ACVR1: variants seen among roughly 807,000 people sequenced by gnomAD.
The protein encoded by ACVR1 is activin receptor type-1.
A neutral mutation model predicts 57.1 loss-of-function variants in ACVR1; 38 were observed. The ratio of observed to expected loss-of-function variants is 0.67; its 90% CI spans 0.51 to 0.87. The LOEUF (loss-of-function observed/expected upper bound fraction) is 0.87, where lower values mean the gene tolerates loss of function less well. Among genes scored for constraint, ACVR1 ranks in the 40% least tolerant of loss-of-function variants. The probability of loss-of-function intolerance (pLI) is 0.00; values close to 1 mark genes in which losing one functional copy is unlikely to be tolerated. For missense variants in ACVR1, 463 were observed against 638.2 expected, an observed-to-expected ratio of 0.73 and a Z score of 2.96; for synonymous variants, 212 against 228.1, an observed-to-expected ratio of 0.93 and a Z score of 0.63.
intron 6 of ACVR1, 62 bp downstream of exon 6, chr2:157,774,026 T>C (rs1686175019): frequency 5.5e-6 from 8 of 1,460,434 alleles, no homozygotes; most frequent in East Asian, 4.6e-5. Context: ...GTTCCATCTT[T>C]TACTTCAAAA....
chr2:157,855,306 G>A (rs374734853), intron 1 of ACVR1, among the ~76,000 whole-genome samples: 12,547 of 52,336 alleles, frequency 0.24, 1,351 homozygotes, highest in East Asian at 0.48. Context: ...GTGTGTGTGT[G>A]TGTATATATA....
At chr2:157,844,082 C>A (rs1689056137) in intron 1 of ACVR1, among the ~76,000 whole-genome samples, 1 of 152,174 alleles carries the variant, frequency 6.6e-6, no homozygotes, top group South Asian at 2.1e-4. Context: ...GCAAAGGAGG[C>A]CCTGTCATGC....
At chr2:157,804,987 C>T (rs1320133724) in intron 2 of ACVR1, among the ~76,000 whole-genome samples, 1 of 152,150 alleles carries the variant, frequency 6.6e-6, no homozygotes, top group African/African-American at 2.4e-5. Flanking sequence ...TAGATAAAGC[C>T]ACAGATACCC....
chr2:157,872,241 T>A (rs1273097708), intron 1 of ACVR1, among the ~76,000 whole-genome samples: 1 of 152,206 alleles, frequency 6.6e-6, no homozygotes, highest in Non-Finnish European at 1.5e-5. Flanking sequence ...CGGATTCCAA[T>A]TAAAATTTCT....
chr2:157,767,094 C>T (rs552226287), intron 7 of ACVR1, among the ~76,000 whole-genome samples: 3 of 152,050 alleles, frequency 2.0e-5, no homozygotes, highest in East Asian at 1.9e-4. Flanking sequence ...TGCAATGGCG[C>T]GATCTCGGTT....
intron 3 of ACVR1, among the ~76,000 whole-genome samples, chr2:157,796,518 C>T (rs1687130877): frequency 1.3e-5 from 2 of 152,130 alleles, no homozygotes; most frequent in East Asian, 3.9e-4. Flanking sequence ...CACACCATTG[C>T]ACCCCAACCT....
At chr2:157,810,625 T>G (rs892494786) in intron 2 of ACVR1, among the ~76,000 whole-genome samples, 1 of 152,206 alleles carries the variant, frequency 6.6e-6, no homozygotes, top group East Asian at 1.9e-4. Flanking sequence ...GTGGGGGGCC[T>G]AAGCACATGT....
At position 157,770,535 on chromosome 2, in the gene ACVR1, G is replaced by A. The variant is rs373016269; in HGVS notation, c.644-21C>T. ...TTTCCCTATGAAAAGCAAAACATAG[G>A]TGACACAGAACAGTAGTCATTTTGG... On this transcript the variant is annotated intron_variant, in intron 6 of 10. Coordinates refer to ENST00000434821, the MANE Select transcript of ACVR1 (RefSeq NM_001111067.4). 3.7e-6 allele frequency: 6 copies of A among 1,613,742 alleles called. No individual in the cohort carries two copies. The African/African-American group carries it at 6.7e-5, about 18-fold the overall frequency.
chr2:157,863,425 A>T (rs1327755424), intron 1 of ACVR1, among the ~76,000 whole-genome samples: 2 of 114,018 alleles, frequency 1.8e-5, no homozygotes, highest in African/African-American at 6.7e-5. Context: ...GGCAGGGCTC[A>T]GTGGCTCACG....
At position 157,737,452 on chromosome 2, in the gene ACVR1, C is replaced by T. The variant is rs1684576696; in HGVS notation, c.*79G>A. On this transcript the variant is annotated 3_prime_UTR_variant, in exon 11 of 11. Transcript: ENST00000434821. ...GGGAGACAGATGGATTCCATTCTGA[C>T]AACCAGTCAGGCCAGCATTAGGTCC... 6.4e-7 allele frequency: 1 copy of T among 1,560,212 alleles called. No homozygotes were observed. The highest frequency in any genetic ancestry group is 8.8e-7 in the Non-Finnish European group (1 of 1,142,406).
intron 7 of ACVR1, among the ~76,000 whole-genome samples, chr2:157,767,274 T>C (rs1334546006): frequency 1.3e-5 from 2 of 152,128 alleles, no homozygotes; most frequent in Non-Finnish European, 1.5e-5. Flanking sequence ...CTTCAGGTGA[T>C]CCACCTGCCT....
rs1685239718 is a variant in ACVR1 at position 157,752,406 on chromosome 2, A to C, written c.1264+8474T>G. Among the ~76,000 whole-genome samples, 4 of 152,222 alleles carry C rather than the reference A, an allele frequency of 2.6e-5. No homozygotes were observed. The South Asian group carries it at 8.3e-4, about 32-fold the overall frequency. The stretch of plus-strand genomic sequence containing the variant: ...TAATATGACAAAACAAGGTTCTTTA[A>C]CAACCTCCAAAAATCACACTAGCTC... On this transcript the variant is annotated intron_variant, in intron 9 of 10. Transcript: ENST00000434821.
chr2:157,791,788 A>G (rs1157742564), intron 3 of ACVR1, among the ~76,000 whole-genome samples: 1 of 152,224 alleles, frequency 6.6e-6, no homozygotes, highest in East Asian at 1.9e-4. Context: ...GACCATCAAT[A>G]CTATGTCAAA....
At chr2:157,875,388 A>G (rs746737263) in intron 1 of ACVR1, 5 of 152,654 alleles carry the variant, frequency 3.3e-5, no homozygotes, top group Non-Finnish European at 5.9e-5. Flanking sequence ...TCGCCTATCT[A>G]TCTCCTTACT....
At chr2:157,870,515 G>A (rs1167739737) in intron 1 of ACVR1, among the ~76,000 whole-genome samples, 1 of 152,176 alleles carries the variant, frequency 6.6e-6, no homozygotes, top group Non-Finnish European at 1.5e-5. Flanking sequence ...TTTCCAAAGA[G>A]GTCACCTACA....
chr2:157,740,081 AG>A (rs1684694358), intron 9 of ACVR1, among the ~76,000 whole-genome samples: 1 of 151,912 alleles, frequency 6.6e-6, no homozygotes, highest in Non-Finnish European at 1.5e-5. Context: ...CTAACTCAGG[AG>A]GCTGAGGCAC....
rs995507730 is a variant in ACVR1, at chr2:157,759,933, A to G, written c.1264+947T>C. Reference sequence around the variant, plus strand: ...CTCTCAACAAAGCAGGTACAGAAGGAATATACATACTTCAACATAATAAGG... The same window carrying G: ...CTCTCAACAAAGCAGGTACAGAAGGGATATACATACTTCAACATAATAAGG... On this transcript the variant is annotated intron_variant, in intron 9 of 10. Coordinates refer to ENST00000434821, the MANE Select transcript of ACVR1 (RefSeq NM_001111067.4). Among the ~76,000 whole-genome samples, 3 of 152,164 alleles carry G rather than the reference A, an allele frequency of 2.0e-5. 1 individual carries two copies. The highest frequency in any genetic ancestry group is 7.2e-5 in the African/African-American group (3 of 41,448).
intron 1 of ACVR1, among the ~76,000 whole-genome samples, chr2:157,851,746 A>G (rs1689310051): frequency 6.6e-6 from 1 of 152,088 alleles, no homozygotes; most frequent in Non-Finnish European, 1.5e-5. Flanking sequence ...GGATTCACTC[A>G]GAGGGTAAAA....
intron 1 of ACVR1, among the ~76,000 whole-genome samples, chr2:157,844,172 G>A (rs1420523136): frequency 1.3e-5 from 2 of 152,224 alleles, no homozygotes; most frequent in East Asian, 3.9e-4. Context: ...CAACTGTGCT[G>A]TGGGAGATCA....
Sources: gnomAD v4.1 joint callset for allele counts (sites outside exome capture counted in the v4.1 genomes callset) on GRCh38, gnomAD v4.1.1 for gene constraint, MANE v1.5 for transcripts, NCBI Gene and HGNC (gene_info 2026-07-23, HGNC 2026-07-21) for gene names.